The following MDH1B variants were observed in gnomAD, a reference collection of about 807,000 sequenced individuals.
MDH1B encodes the protein putative malate dehydrogenase 1B.
MDH1B carries 60 observed loss-of-function variants against 61.4 expected under a neutral mutation model. That is an observed-to-expected ratio of 0.98 (90% CI 0.79 to 1.21). MDH1B has a LOEUF of 1.21. MDH1B is among the 50% of genes most tolerant of loss of function. MDH1B has a pLI of 0.00. For missense variants in MDH1B, 587 were observed against 632.1 expected, an observed-to-expected ratio of 0.93 and a Z score of 0.76; for synonymous variants, 236 against 218.7, an observed-to-expected ratio of 1.08 and a Z score of -0.70.
chr2:206,759,588 G>T (rs894867669), intron 2 of MDH1B, among the ~76,000 whole-genome samples: 3 of 151,932 alleles, frequency 2.0e-5, no homozygotes, highest in Non-Finnish European at 4.4e-5. Context: ...CCACAACCTC[G>T]CCAGCATCTG....
At chr2:206,744,954 T>C (rs2105922473) in intron 9 of MDH1B, among the ~76,000 whole-genome samples, 1 of 150,676 alleles carries the variant, frequency 6.6e-6, no homozygotes, top group Admixed American at 6.6e-5. Context: ...AAATAAAATA[T>C]ATATATATAT....
At chr2:206,738,538 A>C (rs756993435) in intron 11 of MDH1B, 27 bp from the exon 12 acceptor site, 35 of 1,557,520 alleles carry the variant, frequency 2.2e-5, no homozygotes, top group African/African-American at 2.8e-5. Flanking sequence ...ATGAAAAGAC[A>C]TAACTATTTC....
intron 6 of MDH1B, among the ~76,000 whole-genome samples, chr2:206,749,988 A>T (rs745769442): frequency 3.9e-5 from 6 of 152,120 alleles, no homozygotes; most frequent in Non-Finnish European, 8.8e-5. Flanking sequence ...GCTTCTGCTA[A>T]CCCTGCACGA....
chr2:206,757,158 C>G (rs1013657792), intron 3 of MDH1B, 79 bp downstream of exon 3: 1 of 1,531,272 alleles, frequency 6.5e-7, no homozygotes, highest in Non-Finnish European at 8.9e-7. Flanking sequence ...GAGAGAATGT[C>G]TCAGAAAGCA....
At chr2:206,765,015 G>A (rs1053339154) in intron 1 of MDH1B, among the ~76,000 whole-genome samples, 4 of 152,198 alleles carry the variant, frequency 2.6e-5, no homozygotes, top group African/African-American at 9.6e-5. Flanking sequence ...AAAAGTACAT[G>A]TTCTGTGCCC....
In MDH1B at chr2:206,755,367, G is replaced by A. The variant is rs1688701788; in HGVS notation, c.552C>T (p.Thr184=). 6.2e-7 allele frequency: 1 copy of A among 1,614,042 alleles called. No homozygotes were observed. The highest frequency in any genetic ancestry group is 1.3e-5 in the African/African-American group (1 of 74,900). The change falls in exon 5 of 12, where the codon ACC becomes ACT. Residue 184 remains threonine, a synonymous_variant. Coordinates refer to ENST00000374412, the MANE Select transcript of MDH1B (RefSeq NM_001039845.3). Reference sequence around the variant, plus strand: ...GCAGGACGGGAGATGCCAGGTCTTGGGTCTCCACCACAAGGCTTTTGAGAT... The same window carrying A: ...GCAGGACGGGAGATGCCAGGTCTTGAGTCTCCACCACAAGGCTTTTGAGAT... ...EEHLKSLVVE[T]QDLASPVLRS... is the part of the protein sequence containing the mutation.
intron 6 of MDH1B, 146 bp from the exon 7 acceptor site, chr2:206,749,329 A>G (rs1688307181): frequency 1.5e-6 from 1 of 662,010 alleles, no homozygotes. Context: ...TCTTTCCTCA[A>G]GTGTCTTTGA....
chr2:206,743,868 C>T (rs1468423545), intron 9 of MDH1B, among the ~76,000 whole-genome samples: 1 of 152,152 alleles, frequency 6.6e-6, no homozygotes, highest in Non-Finnish European at 1.5e-5. Flanking sequence ...GATTCATCAG[C>T]AATTCTTGAT....
intron 2 of MDH1B, among the ~76,000 whole-genome samples, chr2:206,760,088 G>C (rs1020306117): frequency 2.0e-5 from 3 of 152,276 alleles, no homozygotes; most frequent in Non-Finnish European, 4.4e-5. Context: ...CTGATTATAG[G>C]GAGCATGTGG....
At chr2:206,751,157 G>A (rs760773249) in intron 5 of MDH1B, 82 bp from the exon 6 acceptor site, 31 of 975,830 alleles carry the variant, frequency 3.2e-5, no homozygotes, top group Middle Eastern at 3.4e-4. Flanking sequence ...TTTTGTTTGC[G>A]TGCATGTTTG....
intron 1 of MDH1B, among the ~76,000 whole-genome samples, chr2:206,762,496 C>T (rs999046122): frequency 1.2e-4 from 19 of 152,122 alleles, no homozygotes; most frequent in Admixed American, 3.3e-4. Flanking sequence ...TCCTCTCTTT[C>T]TAGAGTCTTG....
intron 7 of MDH1B, among the ~76,000 whole-genome samples, chr2:206,746,761 T>G (rs1251779656): frequency 6.6e-6 from 1 of 152,110 alleles, no homozygotes; most frequent in African/African-American, 2.4e-5. Flanking sequence ...GCCTAAGTCA[T>G]TTGTCCATCT....
chr2:206,757,520 T>C, intron 2 of MDH1B, 149 bp from the exon 3 acceptor site: 1 of 601,402 alleles, frequency 1.7e-6, no homozygotes, highest in Non-Finnish European at 2.7e-6. Flanking sequence ...AAGAGTAAAA[T>C]GTAAATATAG....
intron 1 of MDH1B, among the ~76,000 whole-genome samples, chr2:206,764,105 C>T (rs1425144198): frequency 6.6e-6 from 1 of 152,028 alleles, no homozygotes; most frequent in African/African-American, 2.4e-5. Context: ...TCAAGACCAG[C>T]GTGGGCAACA....
At chr2:206,755,890 T>G (rs898676490) in intron 4 of MDH1B, among the ~76,000 whole-genome samples, 5 of 144,330 alleles carry the variant, frequency 3.5e-5, no homozygotes, top group African/African-American at 1.3e-4. Context: ...TTTTAAAAAA[T>G]ACAACCTCAT....
intron 2 of MDH1B, among the ~76,000 whole-genome samples, chr2:206,760,429 T>C (rs1050300303): frequency 4.6e-5 from 7 of 152,142 alleles, no homozygotes; most frequent in Admixed American, 3.3e-4. Flanking sequence ...TGCAGCTATG[T>C]CAAACTTCAA....
At chr2:206,741,426 G>T (rs1172029669) in intron 9 of MDH1B, 2 of 356,968 alleles carry the variant, frequency 5.6e-6, no homozygotes, top group South Asian at 4.8e-5. Flanking sequence ...GAGTCAGTGG[G>T]CTGGGGAAGA....
chr2:206,749,162 A>G lies in MDH1B; in HGVS notation c.1074T>C (p.Phe358=). 1 of 1,614,112 alleles carries G rather than the reference A, an allele frequency of 6.2e-7. No individual in the cohort carries two copies. Residue 358 remains phenylalanine (F), a synonymous_variant, in exon 7 of 12, where the codon TTT becomes TTC. Coordinates refer to ENST00000374412, the MANE Select transcript of MDH1B (RefSeq NM_001039845.3). ...TGGTCAAGTTTTTAAGAATTGCCAC[A>G]AATTCTCTTTTTACCCACTCACTGT... is the stretch of plus-strand genomic sequence containing the variant. ...IFDSEWVKRE[F]VAILKNLTTT... is the part of the protein sequence containing the mutation.
chr2:206,742,844 T>A (rs2105918637), intron 9 of MDH1B, among the ~76,000 whole-genome samples: 1 of 151,572 alleles, frequency 6.6e-6, no homozygotes, highest in South Asian at 2.1e-4. Flanking sequence ...CCCAAGTAGC[T>A]GGGACTACAG....
Sources: allele counts gnomAD v4.1 joint callset (sites outside exome capture counted in the v4.1 genomes callset), GRCh38; gene constraint gnomAD v4.1.1; transcripts MANE v1.5; gene names NCBI Gene and HGNC (gene_info 2026-07-23, HGNC 2026-07-21).